Variants in RP1 observed in about 807,000 individuals in gnomAD.
The protein encoded by RP1 is RP1 axonemal microtubule associated.
A neutral mutation model predicts 14.8 loss-of-function variants in RP1; 16 were observed. The observed-to-expected ratio is 1.08, with a 90% CI of 0.73 to 1.65. RP1 has a LOEUF of 1.65. Among genes scored for constraint, RP1 ranks in the 40% most tolerant of loss-of-function variants. RP1 has a pLI of 0.00. For synonymous variants in RP1, 876 were observed against 883.6 expected (o/e 0.99, Z 0.15); for missense variants, 2,631 against 2,535.0 (o/e 1.04, Z -0.81).
upstream of RP1, among the ~76,000 whole-genome samples, chr8:54,612,471 A>T (rs4327841): frequency 2.0e-5 from 3 of 152,116 alleles, no homozygotes; most frequent in African/African-American, 4.8e-5. Flanking sequence ...GCAAGCATTC[A>T]GATATACTTC....
intron 24 of RP1, among the ~76,000 whole-genome samples, chr8:54,828,882 C>CTTTTTTTTTTTTTTTTTTTTTTTTTTTTT (rs201534661): frequency 1.2e-5 from 1 of 83,900 alleles, no homozygotes; most frequent in Non-Finnish European, 2.2e-5. Flanking sequence ...TCTTCTTCTT[C>CTTTTTTTTTTTTTTTTTTTTTTTTTTTTT]TTTTTTTTTT....
chr8:54,611,905 C>T (rs1229937084), upstream of RP1, among the ~76,000 whole-genome samples: 1 of 141,510 alleles, frequency 7.1e-6, no homozygotes, highest in East Asian at 2.3e-4. Context: ...TCCTTCCTTC[C>T]TTCCTTCCTA....
At chr8:54,756,424 G>A (rs1809505723) in intron 21 of RP1, among the ~76,000 whole-genome samples, 1 of 152,208 alleles carries the variant, frequency 6.6e-6, no homozygotes, top group South Asian at 2.1e-4. Context: ...GTTAGAGAGT[G>A]CTGTTTCTCA....
rs1309245068 is a variant in RP1 at position 54,629,933 on chromosome 8, A to G, written c.6051A>G (p.Glu2017=). The G allele has an allele frequency of 6.2e-7, 1 of 1,614,028 alleles. No homozygotes were observed. The highest frequency in any genetic ancestry group is 8.5e-7 in the Non-Finnish European group (1 of 1,179,964). The change falls in exon 4 of 4, where the codon GAA becomes GAG. Residue 2017 remains glutamate (E), a synonymous_variant. Coordinates refer to ENST00000220676, the MANE Select transcript of RP1 (RefSeq NM_006269.2). ...GAATTAACTTCTTGGGGTTAGAGGA[A>G]GAAGGTAATTTAAAGAAATTTCAAC... The part of the protein sequence containing the change: ...QKRINFLGLE[E]EGNLKKFQPD...
In RP1 at chr8:54,572,884, A is replaced by G. The variant is rs141600108; in HGVS notation, c.-13+13564A>G. Among the ~76,000 whole-genome samples the G allele has an allele frequency of 5.3e-5, 8 of 152,204 alleles. No homozygotes were observed. The East Asian group carries it at 5.8e-4, about 11-fold the overall frequency. On this transcript the variant is annotated intron_variant, in intron 1 of 22. Transcript: ENST00000636932. The stretch of plus-strand genomic sequence containing the variant: ...ATCATTTTCATCTTCAAAATAACCA[A>G]TTTTCCAAAGAGTTATTTCTGTAAG...
chr8:54,839,189 A>G (rs1031362894), intron 25 of RP1, among the ~76,000 whole-genome samples: 2 of 152,088 alleles, frequency 1.3e-5, no homozygotes, highest in African/African-American at 4.8e-5. Context: ...TAAATGCTTG[A>G]TTCTTTACTC....
At chr8:54,568,703 T>A (rs933660856) in intron 1 of RP1, among the ~76,000 whole-genome samples, 2 of 152,230 alleles carry the variant, frequency 1.3e-5, no homozygotes, top group Admixed American at 6.5e-5. Flanking sequence ...TTCCCTAGTA[T>A]GTGCCAGGCA....
At chr8:54,605,288 C>T (rs1371855603) in intron 1 of RP1, among the ~76,000 whole-genome samples, 3 of 152,146 alleles carry the variant, frequency 2.0e-5, no homozygotes, top group East Asian at 1.9e-4. Flanking sequence ...GCCTTCATTT[C>T]GTTATGCACC....
chr8:54,829,752 A>C (rs191199644), intron 24 of RP1, among the ~76,000 whole-genome samples: 1 of 152,188 alleles, frequency 6.6e-6, no homozygotes, highest in African/African-American at 2.4e-5. Flanking sequence ...TGGATAAATA[A>C]GCAGAGAGAC....
At chr8:54,787,610 T>C (rs1810353147) in intron 24 of RP1, among the ~76,000 whole-genome samples, 1 of 152,206 alleles carries the variant, frequency 6.6e-6, no homozygotes, top group African/African-American at 2.4e-5. Context: ...AAACGCTAAA[T>C]AGTATTCTCC....
chr8:54,677,229 G>A (rs1807312732), intron 8 of RP1, among the ~76,000 whole-genome samples: 1 of 151,920 alleles, frequency 6.6e-6, no homozygotes, highest in Non-Finnish European at 1.5e-5. Flanking sequence ...ACTGTAGGCT[G>A]CCTGTGCTGA....
chr8:54,770,933 T>C (rs1809883648), downstream of RP1, among the ~76,000 whole-genome samples: 1 of 152,016 alleles, frequency 6.6e-6, no homozygotes, highest in Non-Finnish European at 1.5e-5. Context: ...ATAAATACTG[T>C]TTACTAATAT....
chr8:54,616,040 TAATTG>T (rs1366972907), upstream of RP1: 1 of 152,232 alleles, frequency 6.6e-6, no homozygotes, highest in Non-Finnish European at 1.5e-5. Context: ...TGGATTAAAT[TAATTG>T]GCTGTACTCA....
chr8:54,810,314 C>G (rs1810959867), intron 24 of RP1, among the ~76,000 whole-genome samples: 1 of 152,192 alleles, frequency 6.6e-6, no homozygotes, highest in Non-Finnish European at 1.5e-5. Flanking sequence ...AAGGGTATTT[C>G]TGAACATTCA....
chr8:54,790,499 T>C (rs1810437036), intron 24 of RP1, among the ~76,000 whole-genome samples: 1 of 150,648 alleles, frequency 6.6e-6, no homozygotes, highest in Admixed American at 6.6e-5. Flanking sequence ...CCTAGAGAAA[T>C]GGAGATCTAC....
downstream of RP1, among the ~76,000 whole-genome samples, chr8:54,632,841 A>C (rs1029947639): frequency 4.6e-5 from 7 of 152,144 alleles, no homozygotes; most frequent in African/African-American, 7.2e-5. Flanking sequence ...CTTTAGAGGA[A>C]ATTTAAGGAT....
At chr8:54,774,301 AGT>A (rs539537687), downstream of RP1, among the ~76,000 whole-genome samples, 21 of 152,228 alleles carry the variant, frequency 1.4e-4, no homozygotes, top group South Asian at 4.1e-3. Flanking sequence ...ATCTCAAATG[AGT>A]GTGCATAATT....
In RP1 at chr8:54,793,835, G is replaced by A. The variant is rs530596138; in HGVS notation, c.3615+10125G>A. Among the ~76,000 whole-genome samples the A allele has an allele frequency of 2.1e-3, 317 of 151,762 alleles. 4 individuals carry two copies. Among genetic ancestry groups the A allele is most frequent in the African/African-American group, 7.0e-3 (291 of 41,466 alleles). The stretch of plus-strand genomic sequence containing the variant: ...CTGGAAGTGCTAGTTAGAATAATTA[G>A]GCAAGAAAAAATAGGGCATCCAAAT... On this transcript the variant is annotated intron_variant, in intron 24 of 28. Transcript: ENST00000637698.
chr8:54,729,530 A>T (rs1563359814), intron 17 of RP1, among the ~76,000 whole-genome samples: 1 of 152,170 alleles, frequency 6.6e-6, no homozygotes. Context: ...AAATAATTTC[A>T]TTCCGAAAAA....
Sources: allele counts gnomAD v4.1 joint callset (sites outside exome capture counted in the v4.1 genomes callset), GRCh38; gene constraint gnomAD v4.1.1; transcripts MANE v1.5; gene names NCBI Gene and HGNC (gene_info 2026-07-23, HGNC 2026-07-21).